The following SLCO2B1 variants were observed in gnomAD, a reference collection of about 807,000 sequenced individuals.
SLCO2B1 encodes the protein solute carrier organic anion transporter family member 2B1.
Under a neutral mutation model 67.3 loss-of-function variants are expected in SLCO2B1, and 41 were observed. That is an observed-to-expected ratio of 0.61 (90% CI 0.47 to 0.79). The LOEUF (loss-of-function observed/expected upper bound fraction) is 0.79, where lower values mean the gene tolerates loss of function less well. Among genes scored for constraint, SLCO2B1 ranks in the 30% least tolerant of loss-of-function variants. The pLI is 0.00. For missense variants in SLCO2B1, 837 were observed against 920.1 expected (o/e 0.91, Z 1.17); for synonymous variants, 379 against 381.4 (o/e 0.99, Z 0.07).
In SLCO2B1 at chr11:75,193,654, G is replaced by A; in HGVS notation, c.1433+79G>A. ...GACAGGGGCCCTGGGCAGAGGCCAG[G>A]ATGGCAGGGCAACCCCTGCCTCAAA... On this transcript the variant is annotated intron_variant, in intron 9 of 13. Coordinates refer to ENST00000289575, the MANE Select transcript of SLCO2B1 (RefSeq NM_007256.5). The surrounding 1 kb of genome is among the most constrained non-coding windows in gnomAD (Gnocchi z 4.2). 1.5e-6 allele frequency: 2 copies of A among 1,307,052 alleles called. No homozygotes were observed. Among genetic ancestry groups the A allele is most frequent in the East Asian group, 2.3e-5 (1 of 42,714 alleles). The allele number at this position is 1,307,052 out of a possible 1,614,324, so 81.0% of individuals were successfully genotyped here. A position where few individuals can be genotyped will look rare whatever the true frequency, so the allele number is the denominator to read the frequency against.
intron 9 of SLCO2B1, among the ~76,000 whole-genome samples, chr11:75,194,471 G>A (rs560465464): frequency 1.8e-4 from 27 of 152,250 alleles, no homozygotes; most frequent in Non-Finnish European, 3.1e-4. Flanking sequence ...GCTGTCGGGG[G>A]CTCAGCTCAG....
At chr11:75,180,176 C>G (rs1194883190) in intron 7 of SLCO2B1, among the ~76,000 whole-genome samples, 1 of 151,980 alleles carries the variant, frequency 6.6e-6, no homozygotes, top group African/African-American at 2.4e-5. Flanking sequence ...ACCACAATGC[C>G]TGGCAAATAT....
rs145629834 is a variant in SLCO2B1, at chr11:75,195,764, T to A, written c.1434-750T>A. ...CTGAAAGGCGCAGCCTCTCTGGGCC[T>A]CTGTCTCCCTGGCAGGTTAGCTGTG... On this transcript the variant is annotated intron_variant, in intron 9 of 13. Transcript: ENST00000289575. Among the ~76,000 whole-genome samples, 6 of 152,320 alleles carry A rather than the reference T, an allele frequency of 3.9e-5. No homozygotes were observed. In the East Asian group the frequency reaches 9.6e-4, roughly 24 times the overall value.
rs369708636 is a variant in SLCO2B1, at chr11:75,162,623, C to T, written c.17-32C>T. On this transcript the variant is annotated intron_variant, in intron 1 of 13. Transcript: ENST00000289575. ...TCAGGGCCATTCTCGGGGATTCTAT[C>T]TATTCTCTTTCCCTGGTTTTCTGTC... 1,486 of 1,602,440 alleles carry T rather than the reference C, an allele frequency of 9.3e-4. 2 individuals carry two copies. Among genetic ancestry groups the T allele is most frequent in the Non-Finnish European group, 1.2e-3 (1,393 of 1,175,170 alleles).
chr11:75,162,060 G>A (rs1463894011), intron 1 of SLCO2B1, among the ~76,000 whole-genome samples: 1 of 152,124 alleles, frequency 6.6e-6, no homozygotes, highest in African/African-American at 2.4e-5. Context: ...ATGGTCTGAT[G>A]GTGTGATTTG....
chr11:75,193,276 G>C lies in SLCO2B1; in HGVS notation c.1134G>C (p.Leu378=). 6.2e-7 allele frequency: 1 copy of C among 1,613,840 alleles called. No individual in the cohort carries two copies. The highest frequency in any genetic ancestry group is 8.5e-7 in the Non-Finnish European group (1 of 1,180,010). The change falls in exon 9 of 14, where the codon CTG becomes CTC. Residue 378 remains leucine, a synonymous_variant. Transcript: ENST00000289575. The surrounding 1 kb of genome is among the most constrained non-coding windows in gnomAD (Gnocchi z 4.2). Reference sequence around the variant, plus strand: ...ACCCCATCTTCCTGCTGGTGGTCCTGTCCCAGGTATGCTTGTCATCCATGG... The same window carrying C: ...ACCCCATCTTCCTGCTGGTGGTCCTCTCCCAGGTATGCTTGTCATCCATGG... ...LRHPIFLLVV[L]SQVCLSSMAA...
At chr11:75,151,517 CAGAG>C in intron 1 of SLCO2B1, 120 bp downstream of exon 1, 1 of 994,528 alleles carries the variant, frequency 1.0e-6, no homozygotes, top group Non-Finnish European at 1.6e-6. Flanking sequence ...GCTGTTGGCA[CAGAG>C]CCAGGCACAT....
At chr11:75,196,298 G>C (rs911201965) in intron 9 of SLCO2B1, 2 of 562,914 alleles carry the variant, frequency 3.6e-6, no homozygotes, top group African/African-American at 1.9e-5. Context: ...GAAGCTCAAA[G>C]GCTTGTAGGA....
At chr11:75,197,633 G>A (rs768511766) in intron 10 of SLCO2B1, among the ~76,000 whole-genome samples, 8 of 152,214 alleles carry the variant, frequency 5.3e-5, no homozygotes, top group Non-Finnish European at 1.0e-4. Flanking sequence ...TCAGATCTGT[G>A]TTTGATCACG....
chr11:75,203,090 G>A (rs1409561994), intron 12 of SLCO2B1, 125 bp downstream of exon 12: 2 of 1,157,188 alleles, frequency 1.7e-6, no homozygotes, highest in African/African-American at 3.0e-5. Flanking sequence ...AGCTCATGGG[G>A]TGACAGACCT....
intron 7 of SLCO2B1, among the ~76,000 whole-genome samples, chr11:75,177,645 A>G (rs988148192): frequency 6.6e-6 from 1 of 152,220 alleles, no homozygotes; most frequent in Admixed American, 6.5e-5. Context: ...TGCAAATTAT[A>G]TGGCACCCTC....
rs754161645 is a variant in SLCO2B1 at position 75,193,516 on chromosome 11, G to A, written c.1374G>A (p.Leu458=). Reference sequence around the variant, plus strand: ...TGCTGCTGTGCCTCTTCTTCAGCCTGCCGCTCTTCTTTATCGGCTGCTCCA... The same window carrying A: ...TGCTGCTGTGCCTCTTCTTCAGCCTACCGCTCTTCTTTATCGGCTGCTCCA... The part of the protein sequence containing the change: ...LGMLLCLFFS[L]PLFFIGCSSH... Residue 458 remains leucine (L), a synonymous_variant, in exon 9 of 14, where the codon CTG becomes CTA. Coordinates refer to ENST00000289575, the MANE Select transcript of SLCO2B1 (RefSeq NM_007256.5). This position sits in a 1 kb window ranked among gnomAD's most constrained non-coding sequence, Gnocchi z 4.2. 1.3e-6 allele frequency: 2 copies of A among 1,595,402 alleles called. No homozygotes were observed. The highest frequency in any genetic ancestry group is 8.6e-7 in the Non-Finnish European group (1 of 1,169,190).
At chr11:75,172,645 T>A (rs1949976692) in intron 7 of SLCO2B1, 76 bp downstream of exon 7, 2 of 1,365,722 alleles carry the variant, frequency 1.5e-6, no homozygotes, top group South Asian at 2.7e-5. Context: ...AACATTACAC[T>A]TCGGCTGGGC....
At chr11:75,171,038 G>A (rs1949953165) in intron 6 of SLCO2B1, among the ~76,000 whole-genome samples, 1 of 152,208 alleles carries the variant, frequency 6.6e-6, no homozygotes, top group Non-Finnish European at 1.5e-5. Context: ...ACGGGTTGGA[G>A]AGGTGCATGT....
chr11:75,171,096 G>A (rs989030415), intron 6 of SLCO2B1, among the ~76,000 whole-genome samples: 3 of 152,146 alleles, frequency 2.0e-5, no homozygotes, highest in African/African-American at 7.2e-5. Flanking sequence ...TAACAAGTAA[G>A]GAGAGAATCA....
At chr11:75,164,196 T>G in intron 3 of SLCO2B1, 96 bp downstream of exon 3, 4 of 1,349,006 alleles carry the variant, frequency 3.0e-6, no homozygotes, top group Middle Eastern at 2.3e-4. Flanking sequence ...CTTAAGGCCT[T>G]CCCCTCCCAG....
intron 1 of SLCO2B1, among the ~76,000 whole-genome samples, chr11:75,155,250 C>T (rs907311850): frequency 2.0e-5 from 3 of 152,100 alleles, no homozygotes; most frequent in Non-Finnish European, 4.4e-5. Context: ...CCAAATATGA[C>T]AGCCAAGCCC....
intron 7 of SLCO2B1, among the ~76,000 whole-genome samples, chr11:75,186,258 G>C (rs1290149109): frequency 1.3e-5 from 2 of 151,698 alleles, no homozygotes; most frequent in African/African-American, 4.8e-5. Flanking sequence ...GCCCAGGCTG[G>C]AGTGCAGTGG....
chr11:75,178,182 T>C (rs1167538930), intron 7 of SLCO2B1, among the ~76,000 whole-genome samples: 1 of 152,076 alleles, frequency 6.6e-6, no homozygotes, highest in Non-Finnish European at 1.5e-5. Context: ...AAGCTAGTAC[T>C]GTCAGGTGCG....
Sources: allele counts gnomAD v4.1 joint callset (sites outside exome capture counted in the v4.1 genomes callset), GRCh38; gene constraint gnomAD v4.1.1; non-coding constraint Gnocchi (gnomAD v3.1); transcripts MANE v1.5; gene names NCBI Gene and HGNC (gene_info 2026-07-23, HGNC 2026-07-21).